Variants in BMP2K observed in about 807,000 individuals in gnomAD.
The protein encoded by BMP2K is BMP2 inducible kinase, also known as BMP-2-inducible protein kinase.
Under a neutral mutation model 116.0 loss-of-function variants are expected in BMP2K, and 74 were observed. That is an observed-to-expected ratio of 0.64 (90% CI 0.53 to 0.77). The LOEUF is 0.77. Ranked by LOEUF, BMP2K falls within the 30% of genes least tolerant of loss-of-function variation. The pLI, the probability that BMP2K is intolerant of heterozygous loss-of-function variation, is 0.00. For synonymous variants in BMP2K, 486 were observed against 502.5 expected (o/e 0.97, Z 0.44); for missense variants, 1,365 against 1,403.6 (o/e 0.97, Z 0.44).
intron 5 of BMP2K, 28 bp from the exon 6 acceptor site, chr4:78,847,159 TC>T: frequency 8.1e-7 from 1 of 1,241,402 alleles, no homozygotes; most frequent in Non-Finnish European, 1.1e-6. Flanking sequence ...TATATATATC[TC>T]CACTCCATTT....
At chr4:78,909,282 C>T (rs1448136851) in intron 15 of BMP2K, among the ~76,000 whole-genome samples, 3 of 151,938 alleles carry the variant, frequency 2.0e-5, no homozygotes, top group East Asian at 3.9e-4. Flanking sequence ...GTGATCCACC[C>T]GCCTTGGCCT....
chr4:78,907,309 G>GT (rs1241176597), intron 15 of BMP2K, among the ~76,000 whole-genome samples: 5 of 152,144 alleles, frequency 3.3e-5, no homozygotes, highest in Admixed American at 2.0e-4. Context: ...GAAGTATAAA[G>GT]TGACAGATGT....
intron 3 of BMP2K, among the ~76,000 whole-genome samples, chr4:78,836,167 C>T (rs75109188): frequency 0.058 from 8,877 of 152,096 alleles, 369 homozygotes; most frequent in East Asian, 0.22. Flanking sequence ...CTGATAATCC[C>T]AGCACTTTGG....
intron 7 of BMP2K, among the ~76,000 whole-genome samples, chr4:78,854,269 T>G (rs1731396155): frequency 6.7e-6 from 1 of 149,922 alleles, no homozygotes; most frequent in African/African-American, 2.4e-5. Context: ...TTTATTATTA[T>G]TATTATTATT....
chr4:78,848,553 T>G (rs1327696325), intron 6 of BMP2K, among the ~76,000 whole-genome samples: 1 of 151,546 alleles, frequency 6.6e-6, no homozygotes, highest in Non-Finnish European at 1.5e-5. Flanking sequence ...GGCATCATAC[T>G]TTTCATTCTG....
Position 78,776,725 on chromosome 4 carries a change from CG to C in BMP2K, c.178+7del. On this transcript the variant is annotated splice_donor_5th_base_variant and intron_variant, in intron 1 of 15. Transcript: ENST00000502613. ...CTGGAAGAGTCGCTGGCCGAAGGTA[CG>C]GGCGCCCGGGGAGGCTCGGACAGGC... 7.9e-7 allele frequency: 1 copy of C among 1,263,798 alleles called. No homozygotes were observed. 78.3% of individuals were successfully genotyped at this position (1,263,798 alleles called of 1,614,324 possible).
intron 1 of BMP2K, among the ~76,000 whole-genome samples, chr4:78,800,232 T>A (rs1479012883): frequency 2.6e-5 from 4 of 152,214 alleles, no homozygotes; most frequent in African/African-American, 9.6e-5. Flanking sequence ...ACTTTGGCTC[T>A]GTGATGAGAC....
At chr4:78,879,752 A>G (rs1022030415) in intron 14 of BMP2K, 2 of 152,102 alleles carry the variant, frequency 1.3e-5, no homozygotes, top group Non-Finnish European at 2.9e-5. Context: ...CCTAGTTCCT[A>G]TTTCATTTAG....
intron 2 of BMP2K, among the ~76,000 whole-genome samples, chr4:78,826,925 C>T (rs1729901053): frequency 6.6e-6 from 1 of 152,188 alleles, no homozygotes; most frequent in Non-Finnish European, 1.5e-5. Flanking sequence ...TGTGCCTTCT[C>T]AACTGTATCC....
chr4:78,852,240 T>A (rs1014610821), intron 7 of BMP2K, among the ~76,000 whole-genome samples: 16 of 152,064 alleles, frequency 1.1e-4, no homozygotes, highest in African/African-American at 3.9e-4. Flanking sequence ...TAATTTTAGA[T>A]CTAATTAGGC....
intron 1 of BMP2K, among the ~76,000 whole-genome samples, chr4:78,811,273 A>T (rs1210219438): frequency 6.6e-6 from 1 of 152,238 alleles, no homozygotes; most frequent in Non-Finnish European, 1.5e-5. Flanking sequence ...AACATGAATT[A>T]CAAATGAGGA....
intron 1 of BMP2K, among the ~76,000 whole-genome samples, chr4:78,784,047 T>A (rs551104180): frequency 1.3e-5 from 2 of 152,320 alleles, no homozygotes; most frequent in East Asian, 1.9e-4. Context: ...AGGTCCTTGA[T>A]GTTGTCAATG....
At chr4:78,863,663 T>G (rs545542906) in intron 9 of BMP2K, among the ~76,000 whole-genome samples, 1 of 152,240 alleles carries the variant, frequency 6.6e-6, no homozygotes, top group East Asian at 1.9e-4. Context: ...CTGTGACTGT[T>G]GTAATAGTGA....
chr4:78,889,701 T>C (rs377400763), intron 15 of BMP2K, among the ~76,000 whole-genome samples: 26 of 152,298 alleles, frequency 1.7e-4, no homozygotes, highest in African/African-American at 5.8e-4. Context: ...TTTCTAGGAC[T>C]AGGACCCAAG....
chr4:78,878,838 C>G lies in BMP2K; in HGVS notation c.1898C>G (p.Ser633Cys), dbSNP rs367968961. 1.7e-4 allele frequency: 269 copies of G among 1,613,442 alleles called. No homozygotes were observed. The highest frequency in any genetic ancestry group is 2.2e-4 in the Non-Finnish European group (264 of 1,179,792). The change falls in exon 14 of 16, where the codon TCT becomes TGT. Residue 633 changes from serine (S) to cysteine (C), a missense_variant. Physicochemically the swap from Ser to Cys is moderately radical, Grantham distance 112 (BLOSUM62 -1). This residue lies in a region of BMP2K where 7 missense variants were observed against 23.6 expected (regional missense o/e 0.30). Transcript: ENST00000502613. Reference sequence around the variant, plus strand: ...AATCCTTTTGGAGAGGATAATTTCTCTAAGTTAACAGAAGAGGAACTATTG... The same window carrying G: ...AATCCTTTTGGAGAGGATAATTTCTGTAAGTTAACAGAAGAGGAACTATTG... ...GWNPFGEDNF[S>C]KLTEEELLDR...
chr4:78,862,992 A>C (rs1731866556), intron 9 of BMP2K, among the ~76,000 whole-genome samples: 2 of 152,116 alleles, frequency 1.3e-5, no homozygotes, highest in African/African-American at 4.8e-5. Context: ...TTAGTAAATA[A>C]TTAAATCTTT....
chr4:78,842,485 G>T lies in BMP2K; in HGVS notation c.504G>T (p.Arg168Ser). 1 of 1,607,184 alleles carries T rather than the reference G, an allele frequency of 6.2e-7. No homozygotes were observed. Among genetic ancestry groups the T allele is most frequent in the Middle Eastern group, 1.7e-4 (1 of 6,032 alleles). Residue 168 changes from arginine to serine, a missense_variant, in exon 4 of 16, where the codon AGG becomes AGT. Physicochemically the swap from Arg to Ser is moderately radical, Grantham distance 110 (BLOSUM62 -1). Coordinates refer to ENST00000502613, the MANE Select transcript of BMP2K (RefSeq NM_198892.2). ...IFCDTCEAVA[R>S]LHQCKTPIIH... The stretch of plus-strand genomic sequence containing the variant: ...GTGATACCTGTGAAGCTGTTGCAAG[G>T]TTGCATCAGTGTAAGACTCCAATAA...
intron 1 of BMP2K, among the ~76,000 whole-genome samples, chr4:78,819,394 A>C (rs1344564953): frequency 6.6e-6 from 1 of 152,222 alleles, no homozygotes; most frequent in Non-Finnish European, 1.5e-5. Flanking sequence ...TAATTGTATT[A>C]GTAGTAGTTA....
chr4:78,856,010 C>T (rs917543419), intron 7 of BMP2K, among the ~76,000 whole-genome samples: 1 of 152,018 alleles, frequency 6.6e-6, no homozygotes, highest in Non-Finnish European at 1.5e-5. Flanking sequence ...TTTAGGTGAA[C>T]TGGACACATA....
Sources: allele counts gnomAD v4.1 joint callset (sites outside exome capture counted in the v4.1 genomes callset), GRCh38; gene constraint gnomAD v4.1.1; regional missense constraint gnomAD v4.1.1; transcripts MANE v1.5; gene names NCBI Gene and HGNC (gene_info 2026-07-23, HGNC 2026-07-21).